The following CCNT2 variants were observed in gnomAD, a reference collection of about 807,000 sequenced individuals.
CCNT2 encodes cyclin T2.
In CCNT2, 18 loss-of-function variants were observed where a neutral mutation model predicts 70.0. The observed-to-expected ratio is 0.26, with a 90% CI of 0.18 to 0.38. The LOEUF is 0.38. Among genes scored for constraint, CCNT2 ranks in the 10% least tolerant of loss-of-function variants. The pLI, the probability that CCNT2 is intolerant of heterozygous loss-of-function variation, is 1.00. For missense variants in CCNT2, 734 were observed against 890.2 expected (o/e 0.82, Z 2.23); for synonymous variants, 334 against 313.3 (o/e 1.07, Z -0.70).
intron 2 of CCNT2, among the ~76,000 whole-genome samples, chr2:134,936,402 C>T (rs968638751): frequency 1.2e-4 from 19 of 152,102 alleles, no homozygotes; most frequent in African/African-American, 4.6e-4. Flanking sequence ...TAGCCCAACT[C>T]ACAGTTCATA....
rs535169996 is a variant in CCNT2 at position 134,930,680 on chromosome 2, C to T, written c.241-6161C>T. On this transcript the variant is annotated intron_variant, in intron 2 of 8. Transcript: ENST00000264157. ...AGGGTTGCAATATCATCACTTTTCT[C>T]GTCTTTTTTTTATCGTAGCCATCCT... Among the ~76,000 whole-genome samples the T allele has an allele frequency of 2.6e-5, 4 of 151,982 alleles. No individual in the cohort carries two copies. The South Asian group carries it at 6.3e-4, about 24-fold the overall frequency.
chr2:134,952,358 AT>A (rs781776032), intron 7 of CCNT2, among the ~76,000 whole-genome samples: 45,115 of 141,338 alleles, frequency 0.32, 7,405 homozygotes, highest in East Asian at 0.59. Flanking sequence ...CCTAATGAAG[AT>A]TTTTTTTTTA....
intron 4 of CCNT2, among the ~76,000 whole-genome samples, chr2:134,941,894 CACA>C (rs1203151008): frequency 6.6e-6 from 1 of 152,090 alleles, no homozygotes; most frequent in East Asian, 1.9e-4. Flanking sequence ...ATATAGACCA[CACA>C]ACAACTTTAT....
At chr2:134,941,918 T>C (rs997446369) in intron 4 of CCNT2, among the ~76,000 whole-genome samples, 2 of 152,122 alleles carry the variant, frequency 1.3e-5, no homozygotes, top group East Asian at 1.9e-4. Flanking sequence ...AAATCTAGAT[T>C]ACCCATTTGT....
At chr2:134,951,776 A>G (rs1682522612) in intron 7 of CCNT2, among the ~76,000 whole-genome samples, 1 of 152,200 alleles carries the variant, frequency 6.6e-6, no homozygotes, top group Non-Finnish European at 1.5e-5. Flanking sequence ...ATAACAATAT[A>G]TGATTATCAA....
In CCNT2 at chr2:134,940,208, G is replaced by A. The variant is rs181621206; in HGVS notation, c.430+1146G>A. 1.3e-4 allele frequency among the ~76,000 whole-genome samples: 20 copies of A among 152,250 alleles called. No individual in the cohort carries two copies. In the East Asian group the frequency reaches 3.3e-3, roughly 25 times the overall value. ...ACTCTTCGTTACAAAACTAGTTTGT[G>A]TGAAATACATATGCAGTTGACCCTC... On this transcript the variant is annotated intron_variant, in intron 4 of 8. Coordinates refer to ENST00000264157, the MANE Select transcript of CCNT2 (RefSeq NM_058241.3).
chr2:134,943,870 T>G (rs1681749760), intron 5 of CCNT2: 1 of 979,876 alleles, frequency 1.0e-6, no homozygotes, highest in Non-Finnish European at 1.2e-6. Context: ...TACTACCAAG[T>G]TTTTTTAGAT....
chr2:134,954,843 T>G lies in CCNT2; in HGVS notation c.*195T>G. 1 of 540,762 alleles carries G rather than the reference T, an allele frequency of 1.8e-6. No homozygotes were observed. Among genetic ancestry groups the G allele is most frequent in the Non-Finnish European group, 3.3e-6 (1 of 304,598 alleles). 33.5% of individuals were successfully genotyped at this position (540,762 alleles called of 1,614,324 possible). On this transcript the variant is annotated 3_prime_UTR_variant, in exon 9 of 9. Transcript: ENST00000264157. ...GTCTTTATCTCCACATATGATAGTG[T>G]TATAAATACTGTAAAAGCATGGAAG...
chr2:134,929,305 C>G lies in CCNT2; in HGVS notation c.241-7536C>G, dbSNP rs76985622. 2.6e-3 allele frequency among the ~76,000 whole-genome samples: 390 copies of G among 152,150 alleles called. 1 individual carries two copies. The highest frequency in any genetic ancestry group is 9.0e-3 in the African/African-American group (373 of 41,498). ...AATTTCTTTTGTTAGTGCATGCACA[C>G]TACATCTATGGAGATCTGGCCAGGC... On this transcript the variant is annotated intron_variant, in intron 2 of 8. Transcript: ENST00000264157.
intron 2 of CCNT2, among the ~76,000 whole-genome samples, chr2:134,931,826 A>T (rs112398058): frequency 1.1e-3 from 171 of 152,208 alleles, no homozygotes; most frequent in African/African-American, 4.0e-3. Context: ...CCTCAAACCC[A>T]TGGACTCAAG....
chr2:134,925,015 C>G (rs1022693851), intron 2 of CCNT2, among the ~76,000 whole-genome samples: 1 of 152,088 alleles, frequency 6.6e-6, no homozygotes, highest in Admixed American at 6.5e-5. Context: ...TCTTGCATTC[C>G]TGGAAAAATT....
Position 134,942,984 on chromosome 2 carries a change from A to G in CCNT2, c.493+310A>G, listed in dbSNP as rs956376316. On this transcript the variant is annotated intron_variant, in intron 5 of 8. Coordinates refer to ENST00000264157, the MANE Select transcript of CCNT2 (RefSeq NM_058241.3). ...TCCCATTTCAGTCAAGTGTGGGCCA[A>G]TAGTGCATAGGTTCAGAAAATAATA... 1.9e-5 allele frequency: 19 copies of G among 985,310 alleles called. No individual in the cohort carries two copies. The South Asian group carries it at 2.3e-4, about 12-fold the overall frequency. 61.0% of individuals were successfully genotyped at this position (985,310 alleles called of 1,614,324 possible). A position where few individuals can be genotyped will look rare whatever the true frequency, so the allele number is the denominator to read the frequency against.
intron 2 of CCNT2, among the ~76,000 whole-genome samples, chr2:134,935,771 C>G (rs1171414458): frequency 6.6e-6 from 1 of 151,466 alleles, no homozygotes; most frequent in African/African-American, 2.4e-5. Flanking sequence ...TGCTTGTGTT[C>G]TTATATTTCT....
rs559422906 is a variant in CCNT2, at chr2:134,930,459, A to G, written c.241-6382A>G. On this transcript the variant is annotated intron_variant, in intron 2 of 8. Coordinates refer to ENST00000264157, the MANE Select transcript of CCNT2 (RefSeq NM_058241.3). ...TATTATGAATAATGCTGCTATGAACATTCATGTACAAGTTTTTATGTGAAC... is the reference window on the plus strand; with the variant it reads ...TATTATGAATAATGCTGCTATGAACGTTCATGTACAAGTTTTTATGTGAAC... Among the ~76,000 whole-genome samples, 299 of 152,336 alleles carry G rather than the reference A, an allele frequency of 2.0e-3. 3 individuals are homozygous for G. Among genetic ancestry groups the G allele is most frequent in the African/African-American group, 7.0e-3 (290 of 41,578 alleles).
intron 2 of CCNT2, among the ~76,000 whole-genome samples, chr2:134,933,041 G>C (rs1303845071): frequency 1.3e-5 from 2 of 152,248 alleles, no homozygotes; most frequent in Admixed American, 6.5e-5. Flanking sequence ...GATTGGATAG[G>C]GGGGTGTTTA....
At chr2:134,942,499 CTT>C (rs1681649566) in intron 4 of CCNT2, 111 bp from the exon 5 acceptor site, 3 of 545,336 alleles carry the variant, frequency 5.5e-6, no homozygotes, top group African/African-American at 2.0e-5. Flanking sequence ...TGATGAGAAA[CTT>C]ATAACTTTGG....
chr2:134,931,730 G>T (rs1277546998), intron 2 of CCNT2, among the ~76,000 whole-genome samples: 2 of 152,118 alleles, frequency 1.3e-5, no homozygotes, highest in East Asian at 3.9e-4. Context: ...CCTGTGCAAT[G>T]TTAATGTTCT....
intron 5 of CCNT2, chr2:134,942,973 A>G: frequency 1.0e-6 from 1 of 985,382 alleles, no homozygotes; most frequent in Admixed American, 6.1e-5. Context: ...ATTTCAGTCA[A>G]GTGTGGGCCA....
At chr2:134,919,744 C>G in intron 1 of CCNT2, 66 bp from the exon 2 acceptor site, 1 of 1,242,678 alleles carries the variant, frequency 8.0e-7, no homozygotes. Context: ...TGGGAATTTT[C>G]CATCAAAATT....
Sources: gnomAD v4.1 joint callset for allele counts (sites outside exome capture counted in the v4.1 genomes callset) on GRCh38, gnomAD v4.1.1 for gene constraint, MANE v1.5 for transcripts, NCBI Gene and HGNC (gene_info 2026-07-23, HGNC 2026-07-21) for gene names.